Variants in CHRM3 observed in about 807,000 individuals in gnomAD.
CHRM3 encodes cholinergic receptor muscarinic 3.
A neutral mutation model predicts 41.8 loss-of-function variants in CHRM3; 11 were observed. That is an observed-to-expected ratio of 0.26 (90% CI 0.17 to 0.44). CHRM3 has a LOEUF of 0.44. CHRM3 is among the 20% of genes least tolerant of loss of function. The probability of loss-of-function intolerance (pLI) is 1.00; values close to 1 mark genes in which losing one functional copy is unlikely to be tolerated. For synonymous variants in CHRM3, 297 were observed against 301.4 expected, an observed-to-expected ratio of 0.99 and a Z score of 0.15; for missense variants, 571 against 745.4, an observed-to-expected ratio of 0.77 and a Z score of 2.72.
chr1:239,712,089 C>T lies in CHRM3; in HGVS notation c.-147+33801C>T, dbSNP rs1429047250. On this transcript the variant is annotated intron_variant, in intron 5 of 6. Transcript: ENST00000676153. The stretch of plus-strand genomic sequence containing the variant: ...CCTCCCTTTAAGATAAACTGTCAGA[C>T]TACCCAAAAAGAGAAGGTTATTTTT... 3.3e-5 allele frequency among the ~76,000 whole-genome samples: 5 copies of T among 152,098 alleles called. 1 individual carries two copies. The highest frequency in any genetic ancestry group is 1.2e-4 in the African/African-American group (5 of 41,430).
At position 239,623,561 on chromosome 1, in the gene CHRM3, A is replaced by G. The variant is rs1318814365; in HGVS notation, c.-312-8663A>G. On this transcript the variant is annotated intron_variant, in intron 3 of 6. Coordinates refer to ENST00000676153, the MANE Select transcript of CHRM3 (RefSeq NM_001375978.1). ...TGTGCACATTGTGCAGGTTAGTTAC[A>G]TATGTATACATGTGCCATGCTGGTG... Among the ~76,000 whole-genome samples the G allele has an allele frequency of 2.8e-3, 299 of 106,934 alleles. 1 individual carries two copies. Among genetic ancestry groups the G allele is most frequent in the Non-Finnish European group, 4.5e-3 (242 of 53,370 alleles). 70.2% of individuals were successfully genotyped at this position (106,934 alleles called of 152,430 possible).
At chr1:239,639,179 G>A (rs1231800044) in intron 4 of CHRM3, among the ~76,000 whole-genome samples, 1 of 152,120 alleles carries the variant, frequency 6.6e-6, no homozygotes, top group Admixed American at 6.6e-5. Context: ...TTGTAGTATA[G>A]TTTGAAGTCA....
At chr1:239,429,274 A>G (rs919937398) in intron 1 of CHRM3, among the ~76,000 whole-genome samples, 5 of 152,208 alleles carry the variant, frequency 3.3e-5, no homozygotes, top group Admixed American at 6.5e-5. Context: ...TGTCAAATGA[A>G]TATAGTGGTA....
rs114530085 is a variant in CHRM3, at chr1:239,774,404, G to C, written c.-146-52848G>C. Among the ~76,000 whole-genome samples, 514 of 152,210 alleles carry C rather than the reference G, an allele frequency of 3.4e-3. 2 individuals are homozygous for C. Among genetic ancestry groups the C allele is most frequent in the Non-Finnish European group, 4.9e-3 (331 of 68,010 alleles). ...TACTCAGAACAATAGGAGTTCCTGT[G>C]CTTGCTTAGTCATGAAAGCCAATTA... is the stretch of plus-strand genomic sequence containing the variant. On this transcript the variant is annotated intron_variant, in intron 5 of 6. Coordinates refer to ENST00000676153, the MANE Select transcript of CHRM3 (RefSeq NM_001375978.1).
chr1:239,789,323 G>A (rs1177911092), intron 5 of CHRM3, among the ~76,000 whole-genome samples: 2 of 152,170 alleles, frequency 1.3e-5, no homozygotes, highest in African/African-American at 4.8e-5. Context: ...CGAAGATTAA[G>A]CAGTCTCTGA....
rs1378686390 is a variant in CHRM3, at chr1:239,822,069, C to T, written c.-146-5183C>T. Among the ~76,000 whole-genome samples, 4 of 152,300 alleles carry T rather than the reference C, an allele frequency of 2.6e-5. No individual in the cohort carries two copies. In the East Asian group the frequency reaches 7.7e-4, roughly 29 times the overall value. ...GGAACTGAGTCAATTAAACCTCTTT[C>T]CTTTATGAATTACCCAGTCTCGGGT... On this transcript the variant is annotated intron_variant, in intron 5 of 6. Coordinates refer to ENST00000676153, the MANE Select transcript of CHRM3 (RefSeq NM_001375978.1).
chr1:239,569,485 A>G (rs1661643204), intron 3 of CHRM3, among the ~76,000 whole-genome samples: 2 of 152,178 alleles, frequency 1.3e-5, no homozygotes, highest in South Asian at 4.1e-4. Flanking sequence ...GATAACACAA[A>G]TTAGTAGGAA....
chr1:239,906,557 C>T (rs1433406467), intron 6 of CHRM3, among the ~76,000 whole-genome samples: 1 of 152,092 alleles, frequency 6.6e-6, no homozygotes, highest in Non-Finnish European at 1.5e-5. Flanking sequence ...CTAACTGTGG[C>T]ACCTTAATTG....
At chr1:239,413,035 G>A (rs138738599) in intron 1 of CHRM3, among the ~76,000 whole-genome samples, 1,859 of 151,334 alleles carry the variant, frequency 0.012, 30 homozygotes, top group Non-Finnish European at 0.018. Context: ...CCGAGATCCC[G>A]TCACTCCATT....
chr1:239,486,173 G>T (rs1449605799), intron 1 of CHRM3, among the ~76,000 whole-genome samples: 1 of 152,126 alleles, frequency 6.6e-6, no homozygotes, highest in Non-Finnish European at 1.5e-5. Flanking sequence ...TTGAATATCA[G>T]ATTTGTCATT....
At chr1:239,401,713 G>C (rs910264660) in intron 1 of CHRM3, among the ~76,000 whole-genome samples, 5 of 152,014 alleles carry the variant, frequency 3.3e-5, no homozygotes, top group African/African-American at 4.8e-5. Context: ...GGATGGTCTC[G>C]ATCTCTTGAC....
intron 6 of CHRM3, among the ~76,000 whole-genome samples, chr1:239,881,793 G>C (rs1677657798): frequency 6.6e-6 from 1 of 152,116 alleles, no homozygotes; most frequent in Admixed American, 6.5e-5. Context: ...CTGCAAACAG[G>C]GACAAACAGG....
At chr1:239,849,659 G>A (rs1210116782) in intron 6 of CHRM3, among the ~76,000 whole-genome samples, 1 of 152,142 alleles carries the variant, frequency 6.6e-6, no homozygotes, top group Non-Finnish European at 1.5e-5. Flanking sequence ...GAAGCAGGGT[G>A]ATCTTGATTT....
At chr1:239,506,783 A>G (rs966981947) in intron 2 of CHRM3, among the ~76,000 whole-genome samples, 3 of 152,170 alleles carry the variant, frequency 2.0e-5, no homozygotes, top group African/African-American at 7.2e-5. Flanking sequence ...AGCAGCCAGG[A>G]GGGGGCTGTA....
At chr1:239,761,084 C>CT (rs1424037369) in intron 5 of CHRM3, among the ~76,000 whole-genome samples, 7 of 151,966 alleles carry the variant, frequency 4.6e-5, no homozygotes, top group East Asian at 3.9e-4. Context: ...TCTTTCTGGT[C>CT]TTTTTTCTCC....
intron 3 of CHRM3, among the ~76,000 whole-genome samples, chr1:239,555,662 T>G (rs115241140): frequency 1.7e-3 from 265 of 152,336 alleles, no homozygotes; most frequent in Middle Eastern, 3.4e-3. Context: ...CCCCTTAATC[T>G]GCATGCAATT....
At chr1:239,400,713 C>T (rs1205705324) in intron 1 of CHRM3, among the ~76,000 whole-genome samples, 1 of 152,074 alleles carries the variant, frequency 6.6e-6, no homozygotes, top group Non-Finnish European at 1.5e-5. Flanking sequence ...AGTATCCTTT[C>T]TTCATTGTGT....
intron 6 of CHRM3, among the ~76,000 whole-genome samples, chr1:239,858,814 G>T (rs1027085327): frequency 6.6e-6 from 1 of 152,258 alleles, no homozygotes; most frequent in South Asian, 2.1e-4. Context: ...TGTGTCTATG[G>T]ATTTGCATAT....
intron 1 of CHRM3, among the ~76,000 whole-genome samples, chr1:239,401,904 C>T (rs1660009556): frequency 6.6e-6 from 1 of 152,134 alleles, no homozygotes; most frequent in Non-Finnish European, 1.5e-5. Context: ...AACTCTAAGC[C>T]TGGATCTTCT....
Sources: gnomAD v4.1 joint callset for allele counts (sites outside exome capture counted in the v4.1 genomes callset) on GRCh38, gnomAD v4.1.1 for gene constraint, MANE v1.5 for transcripts, NCBI Gene and HGNC (gene_info 2026-07-23, HGNC 2026-07-21) for gene names.